Variants in ASAH2 observed in about 807,000 individuals in gnomAD.
ASAH2 encodes neutral ceramidase.
Under a neutral mutation model 82.9 loss-of-function variants are expected in ASAH2, and 58 were observed. The observed-to-expected ratio is 0.70, with a 90% CI of 0.57 to 0.87. The LOEUF is 0.87. ASAH2 is among the 40% of genes least tolerant of loss of function. The pLI, the probability that ASAH2 is intolerant of heterozygous loss-of-function variation, is 0.00. For missense variants in ASAH2, 779 were observed against 834.0 expected, an observed-to-expected ratio of 0.93 and a Z score of 0.81; for synonymous variants, 276 against 289.7, an observed-to-expected ratio of 0.95 and a Z score of 0.48.
intron 4 of ASAH2, among the ~76,000 whole-genome samples, chr10:50,239,421 A>G (rs1846235953): frequency 1.3e-5 from 2 of 152,152 alleles, no homozygotes; most frequent in Non-Finnish European, 2.9e-5. Context: ...GATAACACCT[A>G]CAAAACAACA....
At chr10:50,200,449 C>T (rs1845111423) in intron 16 of ASAH2, among the ~76,000 whole-genome samples, 1 of 151,886 alleles carries the variant, frequency 6.6e-6, no homozygotes, top group African/African-American at 2.4e-5. Context: ...TATATCGTTT[C>T]TTCTATATAG....
At chr10:50,195,028 A>C (rs1351097084) in intron 18 of ASAH2, among the ~76,000 whole-genome samples, 5 of 151,498 alleles carry the variant, frequency 3.3e-5, no homozygotes, top group Admixed American at 2.6e-4. Flanking sequence ...AAGCAACAAA[A>C]GCAAAAACAG....
rs1202758912 is a variant in ASAH2 at position 50,184,863 on chromosome 10, T to C, written c.*2452A>G. ...CATTACCTTTCATTAGACAATACTT[T>C]TATGAGTGTAATTCTTAATTTATTA... On this transcript the variant is annotated 3_prime_UTR_variant, in exon 21 of 21. Coordinates refer to ENST00000682911, the MANE Select transcript of ASAH2 (RefSeq NM_019893.4). 1 of 151,292 alleles carries C rather than the reference T, an allele frequency of 6.6e-6. No homozygotes were observed. The highest frequency in any genetic ancestry group is 2.4e-5 in the African/African-American group (1 of 41,228). 9.4% of individuals were successfully genotyped at this position (151,292 alleles called of 1,614,324 possible).
chr10:50,231,132 AG>A (rs1846012040), intron 7 of ASAH2, among the ~76,000 whole-genome samples: 1 of 152,114 alleles, frequency 6.6e-6, no homozygotes, highest in Non-Finnish European at 1.5e-5. Flanking sequence ...AGAAACTATA[AG>A]GGCGACTCTA....
At chr10:50,233,302 G>C (rs1351907865) in intron 6 of ASAH2, 41 bp from the exon 7 acceptor site, 11 of 1,414,124 alleles carry the variant, frequency 7.8e-6, no homozygotes, top group Non-Finnish European at 1.0e-5. Context: ...TTCTGTGTTA[G>C]AGCCTAACCC....
In ASAH2 at chr10:50,210,907, A is replaced by G; in HGVS notation, c.1333-3T>C. The G allele has an allele frequency of 6.2e-7, 1 of 1,612,974 alleles. No homozygotes were observed. On this transcript the variant is annotated splice_region_variant and splice_polypyrimidine_tract_variant and intron_variant, in intron 11 of 20. Transcript: ENST00000682911. Reference sequence around the variant, plus strand: ...AATGCTGGTTTACATGTTTTTGACTAAAGGAAAAGTTTTAAAAACAAAACA... The same window carrying G: ...AATGCTGGTTTACATGTTTTTGACTGAAGGAAAAGTTTTAAAAACAAAACA...
At chr10:50,194,555 A>C (rs1231213892) in intron 18 of ASAH2, among the ~76,000 whole-genome samples, 2 of 151,024 alleles carry the variant, frequency 1.3e-5, no homozygotes, top group African/African-American at 4.9e-5. Context: ...CTACGATTGG[A>C]AACAAGACAA....
chr10:50,211,406 G>A (rs1845451070), intron 10 of ASAH2, among the ~76,000 whole-genome samples: 2 of 152,232 alleles, frequency 1.3e-5, no homozygotes, highest in East Asian at 1.9e-4. Context: ...GGCACAAAAG[G>A]CCTCAATCTC....
intron 12 of ASAH2, among the ~76,000 whole-genome samples, chr10:50,207,364 A>G (rs1029092211): frequency 0.032 from 4,792 of 152,006 alleles, 137 homozygotes; most frequent in Middle Eastern, 0.14. Context: ...GAAAGAAAAC[A>G]GAAAAATCAA....
intron 7 of ASAH2, among the ~76,000 whole-genome samples, chr10:50,219,867 G>A (rs1845697827): frequency 6.6e-6 from 1 of 152,206 alleles, no homozygotes; most frequent in Non-Finnish European, 1.5e-5. Context: ...AAAACTTGCA[G>A]TGTCTAAAGT....
At chr10:50,202,343 G>T (rs1845171310) in intron 16 of ASAH2, among the ~76,000 whole-genome samples, 1 of 152,012 alleles carries the variant, frequency 6.6e-6, no homozygotes. Context: ...CCAGCTACCA[G>T]CCTCCCTCAA....
At chr10:50,223,016 G>A (rs1272097002) in intron 7 of ASAH2, among the ~76,000 whole-genome samples, 2 of 152,106 alleles carry the variant, frequency 1.3e-5, no homozygotes, top group Non-Finnish European at 2.9e-5. Flanking sequence ...TAGGAAGCAA[G>A]GTGCTACGTG....
intron 4 of ASAH2, among the ~76,000 whole-genome samples, chr10:50,239,400 A>G (rs1291218063): frequency 6.6e-6 from 1 of 152,172 alleles, no homozygotes; most frequent in Non-Finnish European, 1.5e-5. Flanking sequence ...AATGGTGCCC[A>G]CTATTGACTT....
chr10:50,212,873 GC>G (rs1845495340), intron 10 of ASAH2, 98 bp downstream of exon 10: 1 of 1,195,358 alleles, frequency 8.4e-7, no homozygotes, highest in Admixed American at 1.7e-5. Flanking sequence ...CTGAGCATTT[GC>G]TGTTTTCTTT....
chr10:50,218,670 G>A (rs56083155), intron 7 of ASAH2, 40 bp from the exon 8 acceptor site: 1 of 1,613,244 alleles, frequency 6.2e-7, no homozygotes, highest in South Asian at 1.1e-5. Flanking sequence ...TCAGGAGAAC[G>A]AGAGAACTGG....
intron 4 of ASAH2, among the ~76,000 whole-genome samples, chr10:50,241,505 GC>G (rs1846293592): frequency 6.6e-6 from 1 of 152,046 alleles, no homozygotes; most frequent in Admixed American, 6.6e-5. Context: ...CTTACAAAAA[GC>G]AAGTGGTCAA....
intron 3 of ASAH2, 117 bp from the exon 4 acceptor site, chr10:50,243,468 T>G (rs1263175955): frequency 2.7e-6 from 3 of 1,126,986 alleles, no homozygotes; most frequent in Admixed American, 5.4e-5. Context: ...CCACATGACA[T>G]GGTGGCTCTG....
rs1485140335 is a variant in ASAH2, at chr10:50,251,467, C to T, written c.-109G>A. On this transcript the variant is annotated 5_prime_UTR_variant, in exon 1 of 21. Transcript: ENST00000682911. ...GCCATCCAGAATCCTGTCCCCTTTCCCCTTGCACGTTGCTGGGCTTACACC... is the reference window on the plus strand; with the variant it reads ...GCCATCCAGAATCCTGTCCCCTTTCTCCTTGCACGTTGCTGGGCTTACACC... 6.6e-6 allele frequency among the ~76,000 whole-genome samples: 1 copy of T among 152,186 alleles called. No homozygotes were observed.
chr10:50,249,370 C>T (rs1846556581), intron 1 of ASAH2, among the ~76,000 whole-genome samples: 2 of 152,094 alleles, frequency 1.3e-5, no homozygotes, highest in African/African-American at 4.8e-5. Flanking sequence ...ATTACAGATT[C>T]CTTAAGATGT....
Sources: gnomAD v4.1 joint callset for allele counts (sites outside exome capture counted in the v4.1 genomes callset) on GRCh38, gnomAD v4.1.1 for gene constraint, MANE v1.5 for transcripts, NCBI Gene and HGNC (gene_info 2026-07-23, HGNC 2026-07-21) for gene names.